Variants in POLQ observed in about 807,000 individuals in gnomAD.
POLQ encodes the protein epididymis secretory sperm binding protein.
A neutral mutation model predicts 259.2 loss-of-function variants in POLQ; 233 were observed. The ratio of observed to expected loss-of-function variants is 0.90; its 90% CI spans 0.81 to 1.00. POLQ has a LOEUF of 1.00. Among genes scored for constraint, POLQ ranks in the 50% least tolerant of loss-of-function variants. The pLI, the probability that POLQ is intolerant of heterozygous loss-of-function variation, is 0.00. For missense variants in POLQ, 2,871 were observed against 3,051.6 expected, an observed-to-expected ratio of 0.94 and a Z score of 1.39; for synonymous variants, 1,025 against 1,048.8, an observed-to-expected ratio of 0.98 and a Z score of 0.44.
At position 121,460,062 on chromosome 3, in the gene POLQ, C is replaced by G; in HGVS notation, c.7140G>C (p.Gln2380His). The change falls in exon 25 of 30, where the codon CAG becomes CAC. Residue 2380 changes from glutamine to histidine, a missense_variant. Gln to His is a conservative substitution (Grantham distance 24). Transcript: ENST00000264233. ...EPESVGDDLRQQAKQICYGII... is the reference protein window; with the variant it reads ...EPESVGDDLRHQAKQICYGII... ...TCACTAAAATCACCTGTTTTGCCTGCTGCCTCAGATCATCCCCAACAGACT... is the reference window on the plus strand; with the variant it reads ...TCACTAAAATCACCTGTTTTGCCTGGTGCCTCAGATCATCCCCAACAGACT... 6.2e-7 allele frequency: 1 copy of G among 1,613,414 alleles called. No homozygotes were observed. The highest frequency in any genetic ancestry group is 8.5e-7 in the Non-Finnish European group (1 of 1,179,480).
Position 121,544,947 on chromosome 3 carries a change from AAT to A in POLQ, c.164-43_164-42del, listed in dbSNP as rs769154894. ...AAAAATTAAAATTTAATTTACTTCT[AAT>A]ATATGAGTTTTACAGTTAGCCCTTC... is the stretch of plus-strand genomic sequence containing the variant. On this transcript the variant is annotated intron_variant, in intron 1 of 29. Coordinates refer to ENST00000264233, the MANE Select transcript of POLQ (RefSeq NM_199420.4). 4.6e-6 allele frequency: 6 copies of A among 1,297,718 alleles called. No individual in the cohort carries two copies. In the African/African-American group the frequency reaches 9.0e-5, roughly 19 times the overall value. 80.4% of individuals were successfully genotyped at this position (1,297,718 alleles called of 1,614,324 possible).
chr3:121,448,761 G>A (rs1237549293), intron 26 of POLQ, among the ~76,000 whole-genome samples: 2 of 152,102 alleles, frequency 1.3e-5, no homozygotes, highest in East Asian at 1.9e-4. Flanking sequence ...GGATGATAGA[G>A]TAATGGTTCT....
intron 24 of POLQ, 82 bp from the exon 25 acceptor site, chr3:121,460,316 G>T: frequency 9.6e-7 from 1 of 1,036,772 alleles, no homozygotes; most frequent in South Asian, 1.6e-5. Context: ...TAATTGAGCA[G>T]GATGACAAAA....
At chr3:121,459,909 G>C (rs2047777105) in intron 25 of POLQ, 141 bp downstream of exon 25, 1 of 656,184 alleles carries the variant, frequency 1.5e-6, no homozygotes, top group East Asian at 2.6e-5. Context: ...AATACCATGA[G>C]ATAAGCTCAG....
chr3:121,498,483 T>C lies in POLQ; in HGVS notation c.2147A>G (p.His716Arg), dbSNP rs779613344. The part of the protein sequence containing the change: ...TERQHRQMAI[H>R]KRFFTSLVLL... ...CAGAGACCTTGACGTTTACCTTTTA[T>C]GGATGGCCATTTGTCGATGCTGTCT... The change falls in exon 13 of 30, where the codon CAT becomes CGT. Residue 716 changes from histidine to arginine, a missense_variant. Around this residue, in one of 3 missense-constraint regions of POLQ, gnomAD observed 783 missense variants for 906.2 expected, o/e 0.86. Transcript: ENST00000264233. 1.5e-5 allele frequency: 25 copies of C among 1,613,190 alleles called. No homozygotes were observed. In the East Asian group the frequency reaches 4.7e-4, roughly 30 times the overall value.
At chr3:121,522,447 G>A (rs1389746532) in intron 7 of POLQ, among the ~76,000 whole-genome samples, 1 of 150,296 alleles carries the variant, frequency 6.7e-6, no homozygotes, top group African/African-American at 2.4e-5. Context: ...GAGTAGCTGG[G>A]ACTACAGGCG....
intron 24 of POLQ, among the ~76,000 whole-genome samples, chr3:121,461,303 T>C (rs1481610589): frequency 6.6e-6 from 1 of 152,162 alleles, no homozygotes; most frequent in Non-Finnish European, 1.5e-5. Context: ...TACCTGAACA[T>C]AGTTTAAACT....
chr3:121,459,389 TTTTG>T (rs1560089449), intron 25 of POLQ, among the ~76,000 whole-genome samples: 3 of 147,280 alleles, frequency 2.0e-5, no homozygotes, highest in Non-Finnish European at 3.0e-5. Context: ...TTTTTTTTTT[TTTTG>T]TTTTTCGAGA....
chr3:121,475,138 C>G (rs764327246), intron 20 of POLQ, among the ~76,000 whole-genome samples: 1 of 151,980 alleles, frequency 6.6e-6, no homozygotes, highest in African/African-American at 2.4e-5. Flanking sequence ...AACTTTGTAC[C>G]CTTTGATAAA....
intron 10 of POLQ, 128 bp downstream of exon 10, chr3:121,511,757 AAC>A: frequency 1.4e-6 from 1 of 695,272 alleles, no homozygotes; most frequent in Non-Finnish European, 2.2e-6. Flanking sequence ...CGGCCTGGGT[AAC>A]AGAGTGAGAC....
intron 9 of POLQ, among the ~76,000 whole-genome samples, chr3:121,516,467 T>G (rs1036423647): frequency 1.2e-4 from 18 of 152,192 alleles, no homozygotes; most frequent in African/African-American, 4.3e-4. Flanking sequence ...AACTGCCCTT[T>G]TCCTGAATGG....
chr3:121,474,981 T>G (rs1192288782), intron 20 of POLQ, among the ~76,000 whole-genome samples: 1 of 152,218 alleles, frequency 6.6e-6, no homozygotes, highest in Non-Finnish European at 1.5e-5. Context: ...ATTAACATAT[T>G]GATCACCACA....
chr3:121,488,823 C>T lies in POLQ; in HGVS notation c.4108G>A (p.Glu1370Lys), dbSNP rs2048037597. 6.2e-7 allele frequency: 1 copy of T among 1,613,914 alleles called. No homozygotes were observed. Among genetic ancestry groups the T allele is most frequent in the Non-Finnish European group, 8.5e-7 (1 of 1,179,926 alleles). Residue 1370 changes from glutamate to lysine, a missense_variant, in exon 16 of 30, where the codon GAG becomes AAG. Around this residue, in one of 3 missense-constraint regions of POLQ, gnomAD observed 2,080 missense variants for 2,126.0 expected, o/e 0.98. Coordinates refer to ENST00000264233, the MANE Select transcript of POLQ (RefSeq NM_199420.4). ...QQNSMNSFQK[E>K]CHIPFPAEQH... ...TCAGCAGGAAAAGGAATGTGACACT[C>T]CTTCTGAAAAGAGTTCATTGAGTTC...
At chr3:121,534,447 C>G (rs995546908) in intron 5 of POLQ, among the ~76,000 whole-genome samples, 1 of 152,008 alleles carries the variant, frequency 6.6e-6, no homozygotes, top group African/African-American at 2.4e-5. Flanking sequence ...CTTATGCCAC[C>G]TGAGTAGCTG....
intron 14 of POLQ, chr3:121,494,612 T>G: frequency 1.3e-6 from 2 of 1,521,882 alleles, no homozygotes; most frequent in Non-Finnish European, 1.8e-6. Flanking sequence ...GCTGGCTGTC[T>G]TCTTGCCTGC....
In POLQ at chr3:121,460,124, T is replaced by C; in HGVS notation, c.7078A>G (p.Arg2360Gly). Residue 2360 changes from arginine (R) to glycine (G), a missense_variant, in exon 25 of 30, where the codon AGG becomes GGG. This residue lies in a region of POLQ where 2,080 missense variants were observed against 2,126.0 expected (regional missense o/e 0.98). Coordinates refer to ENST00000264233, the MANE Select transcript of POLQ (RefSeq NM_199420.4). ...QVLNTGADVF[R>G]SIAAEWKMIE... is the part of the protein sequence containing the mutation. Reference sequence around the variant, plus strand: ...ATCTTCCACTCTGCTGCAATGCTCCTGAAAACATCAGCTCCAGTGTTTAAC... The same window carrying C: ...ATCTTCCACTCTGCTGCAATGCTCCCGAAAACATCAGCTCCAGTGTTTAAC... The C allele has an allele frequency of 6.2e-7, 1 of 1,614,034 alleles. No individual in the cohort carries two copies. Among genetic ancestry groups the C allele is most frequent in the Non-Finnish European group, 8.5e-7 (1 of 1,179,898 alleles).
At chr3:121,513,265 A>C (rs2048268790) in intron 9 of POLQ, among the ~76,000 whole-genome samples, 1 of 152,136 alleles carries the variant, frequency 6.6e-6, no homozygotes, top group Non-Finnish European at 1.5e-5. Flanking sequence ...CTTGATTATC[A>C]ATGGCTGTTT....
intron 25 of POLQ, among the ~76,000 whole-genome samples, chr3:121,456,113 C>G (rs2047734517): frequency 6.6e-6 from 1 of 152,068 alleles, no homozygotes; most frequent in Admixed American, 6.6e-5. Flanking sequence ...AGCATATAAA[C>G]AGAAACAGAG....
At chr3:121,471,927 T>C in intron 22 of POLQ, 63 bp downstream of exon 22, 1 of 933,642 alleles carries the variant, frequency 1.1e-6, no homozygotes, top group Non-Finnish European at 1.5e-6. Flanking sequence ...ATAAAAAATA[T>C]TACATATGAA....
Sources: allele counts gnomAD v4.1 joint callset (sites outside exome capture counted in the v4.1 genomes callset), GRCh38; gene constraint gnomAD v4.1.1; regional missense constraint gnomAD v4.1.1; transcripts MANE v1.5; gene names NCBI Gene and HGNC (gene_info 2026-07-23, HGNC 2026-07-21).